The following BCOR variants were observed in gnomAD, a reference collection of about 807,000 sequenced individuals.
BCOR encodes the protein BCL-6 corepressor.
In BCOR, 10 loss-of-function variants were observed where a neutral mutation model predicts 86.7. That is an observed-to-expected ratio of 0.12 (90% CI 0.07 to 0.20). BCOR has a LOEUF of 0.20. BCOR is among the 10% of genes least tolerant of loss of function. The probability of loss-of-function intolerance (pLI) is 1.00; values close to 1 mark genes in which losing one functional copy is unlikely to be tolerated. For missense variants in BCOR, 1,259 were observed against 1,452.1 expected (o/e 0.87, Z 2.16); for synonymous variants, 611 against 609.0 (o/e 1.00, Z -0.05).
At chrX:40,117,595 T>C (rs150890046) in intron 1 of BCOR, among the ~76,000 whole-genome samples, 3 of 111,853 alleles carry the variant, frequency 2.7e-5, no homozygotes, top group African/African-American at 9.8e-5. Flanking sequence ...TTCCACATAA[T>C]AGAAGTGAAT....
At chrX:40,155,994 C>T (rs1157013489) in intron 1 of BCOR, among the ~76,000 whole-genome samples, 1 of 113,004 alleles carries the variant, frequency 8.8e-6, no homozygotes, top group African/African-American at 3.2e-5. Context: ...CCAGTGGCTC[C>T]GAGTTCTGGG....
intron 6 of BCOR, among the ~76,000 whole-genome samples, chrX:40,069,614 C>T (rs1411726484): frequency 8.9e-6 from 1 of 112,593 alleles, no homozygotes; most frequent in Non-Finnish European, 1.9e-5. Context: ...ATGGCACTCC[C>T]TCTTTTAGAA....
In BCOR at chrX:40,054,266, G is replaced by A. The variant is rs775270452; in HGVS notation, c.4809C>T (p.Ser1603=). 8.3e-7 allele frequency: 1 copy of A among 1,207,854 alleles called. No individual in the cohort carries two copies. Among genetic ancestry groups the A allele is most frequent in the Middle Eastern group, 2.3e-4 (1 of 4,345 alleles). The change falls in exon 13 of 15, where the codon AGC becomes AGT. Residue 1603 remains serine (S), a synonymous_variant. Transcript: ENST00000378444. ...DASGTWDFYG[S]SVCEPDDESG... ...AACAATGCAGCTTACCACAAACAGA[G>A]CTGCCATAGAAGTCCCAAGTGCCAC...
intron 1 of BCOR, among the ~76,000 whole-genome samples, chrX:40,084,728 G>A (rs1050463695): frequency 7.0e-5 from 5 of 71,804 alleles, no homozygotes; most frequent in East Asian, 5.6e-4. Flanking sequence ...CACCACCACC[G>A]AAGGGAACAA....
intron 1 of BCOR, among the ~76,000 whole-genome samples, chrX:40,175,980 G>C (rs984076165): frequency 6.2e-5 from 7 of 112,895 alleles, no homozygotes; most frequent in Non-Finnish European, 1.1e-4. Flanking sequence ...ACGGGAGGGA[G>C]AGTACATTTC....
chrX:40,089,457 C>T (rs763198194), intron 1 of BCOR, among the ~76,000 whole-genome samples: 41 of 111,666 alleles, frequency 3.7e-4, no homozygotes, highest in Non-Finnish European at 5.3e-4. Flanking sequence ...TACCCAAGAA[C>T]GAGGCAAAGA....
rs142686469 is a variant in BCOR at position 40,063,601 on chromosome X, C to G, written c.3847+7G>C. On this transcript the variant is annotated splice_region_variant and intron_variant, in intron 8 of 14. Transcript: ENST00000378444. ...GGGTGAACACTCAAGGGGTGGCCCC[C>G]GCATACCTTGTTCATTGTCACTGGG... The G allele has an allele frequency of 9.6e-4, 1,152 of 1,203,517 alleles. 8 individuals are homozygous for G. In the African/African-American group the frequency reaches 0.018, roughly 19 times the overall value.
intron 1 of BCOR, among the ~76,000 whole-genome samples, chrX:40,167,220 G>C (rs1013875736): frequency 1.8e-5 from 2 of 112,820 alleles, no homozygotes; most frequent in East Asian, 5.5e-4. Flanking sequence ...AAACCTCAAC[G>C]TTTGCTTTCT....
chrX:40,066,755 T>A (rs1252333983), intron 6 of BCOR, among the ~76,000 whole-genome samples: 3 of 111,319 alleles, frequency 2.7e-5, no homozygotes, highest in Non-Finnish European at 5.7e-5. Flanking sequence ...GTGTACTCAT[T>A]TCCCCTCCCT....
intron 1 of BCOR, among the ~76,000 whole-genome samples, chrX:40,083,212 C>A (rs955106660): frequency 9.0e-6 from 1 of 110,832 alleles, no homozygotes; most frequent in Non-Finnish European, 1.9e-5. Context: ...AGTAAGATAC[C>A]CCAAGGCTGC....
chrX:40,152,700 G>A lies in BCOR; in HGVS notation c.-41+24307C>T, dbSNP rs991598472. Among the ~76,000 whole-genome samples the A allele has an allele frequency of 8.8e-5, 10 of 113,127 alleles. No individual in the cohort carries two copies. In the East Asian group the frequency reaches 2.8e-3, roughly 32 times the overall value. On this transcript the variant is annotated intron_variant, in intron 1 of 14. Coordinates refer to the BCOR transcript ENST00000342274. ...GCCCCGGAGCCAGCGTTCTGAATCTGCAGGAGTGCGGGGTGCTGCGGGGAG... is the reference window on the plus strand; with the variant it reads ...GCCCCGGAGCCAGCGTTCTGAATCTACAGGAGTGCGGGGTGCTGCGGGGAG...
intron 1 of BCOR, 39 bp downstream of exon 1, chrX:40,097,176 T>C (rs1370472538): frequency 5.4e-4 from 49 of 90,446 alleles, no homozygotes; most frequent in African/African-American, 1.9e-3. Context: ...CGCCCACCCG[T>C]CCGCGGTCTC....
intron 1 of BCOR, among the ~76,000 whole-genome samples, chrX:40,084,708 C>G (rs1254760428): frequency 1.0e-5 from 1 of 98,929 alleles, no homozygotes; most frequent in African/African-American, 4.6e-5. Flanking sequence ...CCGCCACCCC[C>G]CCCCACCACC....
intron 8 of BCOR, 136 bp downstream of exon 8, chrX:40,063,472 C>T: frequency 1.8e-6 from 1 of 542,864 alleles, no homozygotes; most frequent in Non-Finnish European, 3.1e-6. Context: ...CAAGAGAGAA[C>T]TCCCTGCCTG....
chrX:40,149,265 A>C (rs1034929172), intron 1 of BCOR, among the ~76,000 whole-genome samples: 2 of 110,223 alleles, frequency 1.8e-5, no homozygotes, highest in Non-Finnish European at 3.8e-5. Flanking sequence ...ACAACTATTA[A>C]AGTCTCAGGC....
Position 40,073,741 on chromosome X carries a change from C to T in BCOR, c.1605G>A (p.Ala535=), listed in dbSNP as rs777739042. The T allele has an allele frequency of 3.3e-6, 4 of 1,212,686 alleles. No homozygotes were observed. The Admixed American group carries it at 6.5e-5, about 20-fold the overall frequency. Residue 535 remains alanine, a synonymous_variant, in exon 4 of 15, where the codon GCG becomes GCA. Coordinates refer to ENST00000378444, the MANE Select transcript of BCOR (RefSeq NM_001123385.2). The part of the protein sequence containing the change: ...MSLKNKALDW[A]IPQQRSSSCP... ...ATGATGAACTCCGCTGCTGTGGTAT[C>T]GCCCAGTCCAATGCCTTGTTTTTCA...
At chrX:40,081,877 G>A (rs1176067985) in intron 1 of BCOR, among the ~76,000 whole-genome samples, 1 of 112,430 alleles carries the variant, frequency 8.9e-6, no homozygotes, top group Non-Finnish European at 1.9e-5. Context: ...CTGCCTGCAG[G>A]AACACCCAGG....
intron 1 of BCOR, among the ~76,000 whole-genome samples, chrX:40,128,962 C>G (rs1047602957): frequency 2.7e-5 from 3 of 112,003 alleles, no homozygotes; most frequent in African/African-American, 9.7e-5. Flanking sequence ...TCAATGCATT[C>G]CCTTATTCAA....
chrX:40,115,816 G>A (rs1186533669), intron 1 of BCOR, among the ~76,000 whole-genome samples: 1 of 110,379 alleles, frequency 9.1e-6, no homozygotes, highest in Non-Finnish European at 1.9e-5. Context: ...ATGTTCAAGG[G>A]AAGGACTTCC....
Sources: gnomAD v4.1 joint callset for allele counts (sites outside exome capture counted in the v4.1 genomes callset) on GRCh38, gnomAD v4.1.1 for gene constraint, MANE v1.5 for transcripts, NCBI Gene and HGNC (gene_info 2026-07-23, HGNC 2026-07-21) for gene names.